C4orf51: variants seen among roughly 807,000 people sequenced by gnomAD.
The protein encoded by C4orf51 is uncharacterized protein C4orf51.
A neutral mutation model predicts 25.2 loss-of-function variants in C4orf51; 25 were observed. The observed-to-expected ratio is 0.99, with a 90% CI of 0.72 to 1.39. C4orf51 has a LOEUF of 1.39. Ranked by LOEUF, C4orf51 falls within the 40% of genes most tolerant of loss-of-function variation. The probability of loss-of-function intolerance (pLI) is 0.00; values close to 1 mark genes in which losing one functional copy is unlikely to be tolerated. For synonymous variants in C4orf51, 100 were observed against 84.5 expected, an observed-to-expected ratio of 1.18 and a Z score of -1.01; for missense variants, 252 against 239.6, an observed-to-expected ratio of 1.05 and a Z score of -0.34.
the C4orf51 span, among the ~76,000 whole-genome samples, chr4:145,788,217 G>A: frequency 6.6e-6 from 1 of 152,076 alleles, no homozygotes; most frequent in Non-Finnish European, 1.5e-5. Flanking sequence ...TGATTGATTT[G>A]TATCGTAAAG....
intron 2 of C4orf51, among the ~76,000 whole-genome samples, chr4:145,719,380 C>A (rs1048812257): frequency 6.6e-6 from 1 of 151,996 alleles, no homozygotes; most frequent in Admixed American, 6.6e-5. Context: ...CCGAGGCAGG[C>A]GGATCACGAG....
intron 1 of C4orf51, among the ~76,000 whole-genome samples, chr4:145,694,172 G>C (rs1366395081): frequency 2.2e-5 from 3 of 138,942 alleles, no homozygotes; most frequent in Admixed American, 1.4e-4. Flanking sequence ...GACGATGTGC[G>C]GCCGGGCAGA....
At chr4:145,792,375 G>GA in the C4orf51 span, among the ~76,000 whole-genome samples, 160 of 115,724 alleles carry the variant, frequency 1.4e-3, 1 homozygote, top group African/African-American at 3.5e-3. Flanking sequence ...GTTGTCATAA[G>GA]AAAAAAAAAA....
chr4:145,732,709 G>T lies in C4orf51; in HGVS notation c.*149G>T. Reference sequence around the variant, plus strand: ...GTTGGCTTTCTGGGACAATTCCATGGGCTTCATTTATCAGTTTTTTCCCTT... The same window carrying T: ...GTTGGCTTTCTGGGACAATTCCATGTGCTTCATTTATCAGTTTTTTCCCTT... On this transcript the variant is annotated 3_prime_UTR_variant, in exon 6 of 6. Transcript: ENST00000438731. The T allele has an allele frequency of 2.0e-6, 1 of 508,744 alleles. No individual in the cohort carries two copies. The highest frequency in any genetic ancestry group is 3.5e-6 in the Non-Finnish European group (1 of 285,354). 31.5% of individuals were successfully genotyped at this position (508,744 alleles called of 1,614,324 possible).
chr4:145,690,883 T>C (rs1017180305), intron 1 of C4orf51, among the ~76,000 whole-genome samples: 1 of 152,074 alleles, frequency 6.6e-6, no homozygotes, highest in Non-Finnish European at 1.5e-5. Context: ...GGAAGAGGAC[T>C]GTTTGTCCCA....
rs759732377 is a variant in C4orf51, at chr4:145,763,835, C to T, written n.167-7153C>T. Among the ~76,000 whole-genome samples, 31 of 152,176 alleles carry T rather than the reference C, an allele frequency of 2.0e-4. No individual in the cohort carries two copies. The highest frequency in any genetic ancestry group is 2.8e-4 in the Non-Finnish European group (19 of 68,022). ...TTTCCTTGAATTATAATCACCCCCT[C>T]CCCAATCCCTTCTGCCCTCCCCTCC... On this transcript the variant is annotated intron_variant and non_coding_transcript_variant, in intron 1 of 1. Coordinates refer to the C4orf51 transcript ENST00000510096. This position sits in a 1 kb window ranked among gnomAD's most constrained non-coding sequence, Gnocchi z 4.6.
At chr4:145,781,212 A>G in the C4orf51 span, among the ~76,000 whole-genome samples, 126 of 127,134 alleles carry the variant, frequency 9.9e-4, 1 homozygote, top group African/African-American at 3.3e-3. Flanking sequence ...AAAAAAAAAA[A>G]AAAAAGAAAA....
chr4:145,691,795 T>C (rs1729582898), intron 1 of C4orf51, among the ~76,000 whole-genome samples: 1 of 106,550 alleles, frequency 9.4e-6, no homozygotes, highest in African/African-American at 4.5e-5. Context: ...GGAGCAAGGG[T>C]TGAATAACTA....
downstream of C4orf51, chr4:145,758,634 T>C (rs1734147834): frequency 6.6e-6 from 1 of 152,342 alleles, no homozygotes; most frequent in African/African-American, 2.4e-5. Context: ...CCAGTATTCT[T>C]GGAGTGTATT....
downstream of C4orf51, chr4:145,774,686 TAAAAG>T (rs1249833400): frequency 4.3e-6 from 7 of 1,609,610 alleles, no homozygotes; most frequent in South Asian, 7.8e-5. Flanking sequence ...CATGAAAGGG[TAAAAG>T]AAAAGAGGGG....
rs568687019 is a variant in C4orf51 at position 145,729,420 on chromosome 4, GCCT to G, written c.427+194_427+196del. Reference sequence around the variant, plus strand: ...ACGTTCACGCCATTCTCCTGCCTCAGCCTCCCGAGTAGCTGGGACTACCGGCGC... The same window carrying G: ...ACGTTCACGCCATTCTCCTGCCTCAGCCCGAGTAGCTGGGACTACCGGCGC... On this transcript the variant is annotated intron_variant, in intron 4 of 5. Transcript: ENST00000438731. 4.2e-4 allele frequency among the ~76,000 whole-genome samples: 62 copies of G among 146,034 alleles called. No individual in the cohort carries two copies. In the Middle Eastern group the frequency reaches 0.014, roughly 34 times the overall value.
chr4:145,705,011 A>C (rs534266657), intron 2 of C4orf51, among the ~76,000 whole-genome samples: 6 of 152,202 alleles, frequency 3.9e-5, no homozygotes, highest in Non-Finnish European at 7.3e-5. Context: ...AAGGCCTTGC[A>C]TCCCTTCTCC....
chr4:145,792,052 T>C, the C4orf51 span, among the ~76,000 whole-genome samples: 4 of 152,226 alleles, frequency 2.6e-5, no homozygotes, highest in Admixed American at 6.5e-5. Flanking sequence ...TAAAGGCTGA[T>C]AGCCTTGAGG....
At chr4:145,681,144 T>A (rs978285117) in intron 1 of C4orf51, among the ~76,000 whole-genome samples, 3 of 152,184 alleles carry the variant, frequency 2.0e-5, no homozygotes, top group African/African-American at 7.2e-5. Flanking sequence ...AGGAGCTAAG[T>A]ACATTTGAGA....
the C4orf51 span, among the ~76,000 whole-genome samples, chr4:145,787,191 G>A: frequency 2.4e-3 from 367 of 152,262 alleles, 3 homozygotes; most frequent in Non-Finnish European, 2.9e-3. Context: ...TCGGCCGGGC[G>A]CAGTGGCTCA....
the C4orf51 span, among the ~76,000 whole-genome samples, chr4:145,791,471 A>G: frequency 6.6e-6 from 1 of 152,210 alleles, no homozygotes; most frequent in Admixed American, 6.5e-5. Context: ...GAGAGGAGGA[A>G]AGGGATTATT....
At chr4:145,685,912 A>C (rs145305325) in intron 1 of C4orf51, among the ~76,000 whole-genome samples, 1 of 152,208 alleles carries the variant, frequency 6.6e-6, no homozygotes, top group Non-Finnish European at 1.5e-5. Context: ...ATGAGTAAAA[A>C]TTAAATCACA....
chr4:145,684,995 C>T lies in C4orf51; in HGVS notation c.233+4559C>T, dbSNP rs113087191. On this transcript the variant is annotated intron_variant, in intron 1 of 5. Transcript: ENST00000438731. ...AGCCAAAAGGAGAAATAAGTAAATA[C>T]ACAATCATAGTTGAACATTTTAACA... is the stretch of plus-strand genomic sequence containing the variant. Among the ~76,000 whole-genome samples, 822 of 152,198 alleles carry T rather than the reference C, an allele frequency of 5.4e-3. 5 individuals are homozygous for T. Among genetic ancestry groups the T allele is most frequent in the African/African-American group, 0.018 (748 of 41,506 alleles).
chr4:145,688,497 A>G (rs1729320575), intron 1 of C4orf51, among the ~76,000 whole-genome samples: 1 of 152,114 alleles, frequency 6.6e-6, no homozygotes. Context: ...TGCTTTTGTG[A>G]TAGTGAAAGT....
Sources: gnomAD v4.1 joint callset for allele counts (sites outside exome capture counted in the v4.1 genomes callset) on GRCh38, gnomAD v4.1.1 for gene constraint, Gnocchi (gnomAD v3.1) non-coding constraint, MANE v1.5 for transcripts, NCBI Gene and HGNC (gene_info 2026-07-23, HGNC 2026-07-21) for gene names.